The following CACNA2D4 variants were observed in gnomAD, a reference collection of about 807,000 sequenced individuals.
CACNA2D4 encodes voltage-dependent calcium channel subunit alpha-2/delta-4.
In CACNA2D4, 157 loss-of-function variants were observed where a neutral mutation model predicts 163.8. That is an observed-to-expected ratio of 0.96 (90% CI 0.84 to 1.09). The LOEUF is 1.09. Among genes scored for constraint, CACNA2D4 ranks in the 50% least tolerant of loss-of-function variants. CACNA2D4 has a pLI of 0.00. For missense variants in CACNA2D4, 1,410 were observed against 1,479.9 expected (o/e 0.95, Z 0.78); for synonymous variants, 598 against 586.9 (o/e 1.02, Z -0.27).
In CACNA2D4 at chr12:1,917,369, A is replaced by G. The variant is rs1165578270; in HGVS notation, c.227+878T>C. 6.6e-6 allele frequency among the ~76,000 whole-genome samples: 1 copy of G among 152,220 alleles called. No homozygotes were observed. The highest frequency in any genetic ancestry group is 1.5e-5 in the Non-Finnish European group (1 of 68,040). On this transcript the variant is annotated intron_variant, in intron 1 of 37. Transcript: ENST00000382722. The surrounding 1 kb of genome is among the most constrained non-coding windows in gnomAD (Gnocchi z 4.3). ...CCACTGGTCAGCAAAGGCTAAGCACAGGCACGGTGTGTCATTTAGGCTCCC... is the reference window on the plus strand; with the variant it reads ...CCACTGGTCAGCAAAGGCTAAGCACGGGCACGGTGTGTCATTTAGGCTCCC...
At chr12:1,847,614 C>A (rs1236273426) in intron 23 of CACNA2D4, among the ~76,000 whole-genome samples, 1 of 152,218 alleles carries the variant, frequency 6.6e-6, no homozygotes, top group Non-Finnish European at 1.5e-5. Flanking sequence ...CTGCCCCAGA[C>A]CTCTGAGTCA....
At chr12:1,913,963 T>C (rs1187062125) in intron 2 of CACNA2D4, among the ~76,000 whole-genome samples, 1 of 152,232 alleles carries the variant, frequency 6.6e-6, no homozygotes, top group East Asian at 1.9e-4. Flanking sequence ...CCCCGGGCTG[T>C]GGTGCTCTGA....
intron 16 of CACNA2D4, among the ~76,000 whole-genome samples, chr12:1,876,604 A>C (rs567252913): frequency 1.3e-5 from 2 of 152,070 alleles, no homozygotes; most frequent in South Asian, 4.1e-4. Context: ...TGCTTCCGCC[A>C]GTTTTTTGTT....
chr12:1,840,470 C>T (rs1356399836), intron 26 of CACNA2D4, among the ~76,000 whole-genome samples: 2 of 133,876 alleles, frequency 1.5e-5, no homozygotes, highest in East Asian at 4.3e-4. Context: ...CGGCGGGGGG[C>T]TGGGCTGCAG....
At chr12:1,879,068 C>T (rs944310770) in intron 14 of CACNA2D4, 32 bp from the exon 15 acceptor site, 1 of 1,579,958 alleles carries the variant, frequency 6.3e-7, no homozygotes, top group African/African-American at 1.3e-5. Flanking sequence ...GTGGGGGAGA[C>T]CCAGCTTCCC....
At chr12:1,803,119 C>T (rs1417587568) in intron 29 of CACNA2D4, among the ~76,000 whole-genome samples, 1 of 152,242 alleles carries the variant, frequency 6.6e-6, no homozygotes, top group Non-Finnish European at 1.5e-5. Context: ...AAGGCTGGTA[C>T]AGGAGCTGAG....
At chr12:1,835,724 CTGCATGTG>C (rs1430350252) in intron 26 of CACNA2D4, 1 of 152,658 alleles carries the variant, frequency 6.6e-6, no homozygotes, top group Non-Finnish European at 1.5e-5. Context: ...CCTGGAGCGG[CTGCATGTG>C]TGCATGGCGG....
At chr12:1,849,228 T>C (rs1446148484) in intron 23 of CACNA2D4, among the ~76,000 whole-genome samples, 1 of 152,220 alleles carries the variant, frequency 6.6e-6, no homozygotes, top group African/African-American at 2.4e-5. Flanking sequence ...TTAAGAGAAA[T>C]ACATCATGAG....
rs532516887 is a variant in CACNA2D4 at position 1,800,288 on chromosome 12, G to A, written c.2921+98C>T. ...CTTCCCCGGGGTCTGGTAGCAAGTGGGTTGTCCTGGAGACCTTGCAGCCTC... is the reference window on the plus strand; with the variant it reads ...CTTCCCCGGGGTCTGGTAGCAAGTGAGTTGTCCTGGAGACCTTGCAGCCTC... On this transcript the variant is annotated intron_variant, in intron 32 of 37. Transcript: ENST00000382722. 5.6e-5 allele frequency: 75 copies of A among 1,333,030 alleles called. No individual in the cohort carries two copies. In the African/African-American group the frequency reaches 6.9e-4, roughly 12 times the overall value. The allele number at this position is 1,333,030 out of a possible 1,614,324, so 82.6% of individuals were successfully genotyped here. A position where few individuals can be genotyped will look rare whatever the true frequency, so the allele number is the denominator to read the frequency against.
chr12:1,828,343 G>T lies in CACNA2D4; in HGVS notation c.2551+12396C>A. On this transcript the variant is annotated intron_variant, in intron 26 of 37. Transcript: ENST00000382722. This position sits in a 1 kb window ranked among gnomAD's most constrained non-coding sequence, Gnocchi z 4.2. ...GGAGGCCTACGCCAGATCTTCCTGGGGTACCCGAGGCTATGTTCTGGGAAG... is the reference window on the plus strand; with the variant it reads ...GGAGGCCTACGCCAGATCTTCCTGGTGTACCCGAGGCTATGTTCTGGGAAG... 1 of 823,270 alleles carries T rather than the reference G, an allele frequency of 1.2e-6. No homozygotes were observed. The highest frequency in any genetic ancestry group is 1.8e-6 in the Non-Finnish European group (1 of 557,498). The allele number at this position is 823,270 out of a possible 1,614,324, so 51.0% of individuals were successfully genotyped here. A position where few individuals can be genotyped will look rare whatever the true frequency, so the allele number is the denominator to read the frequency against.
rs1592643984 is a variant in CACNA2D4 at position 1,795,728 on chromosome 12, C to T, written c.3166G>A (p.Asp1056Asn). ...AAGATGCTGCAGTCACAGGTGGGGT[C>T]TGTCACCAGGAGGAGGAGGTTACTG... ...PNSNLLLLVT[D>N]PTCDCSIFPP... Residue 1056 changes from aspartate (D) to asparagine (N), a missense_variant, in exon 36 of 38, where the codon GAC becomes AAC. Transcript: ENST00000382722. 1 of 1,613,794 alleles carries T rather than the reference C, an allele frequency of 6.2e-7. No individual in the cohort carries two copies. Among genetic ancestry groups the T allele is most frequent in the Non-Finnish European group, 8.5e-7 (1 of 1,179,758 alleles).
Position 1,875,413 on chromosome 12 carries a change from T to C in CACNA2D4, c.1720-76A>G, listed in dbSNP as rs1865862855. 2 of 933,892 alleles carry C rather than the reference T, an allele frequency of 2.1e-6. No individual in the cohort carries two copies. Among genetic ancestry groups the C allele is most frequent in the South Asian group, 2.6e-5 (2 of 75,702 alleles). 57.9% of individuals were successfully genotyped at this position (933,892 alleles called of 1,614,324 possible). On this transcript the variant is annotated intron_variant, in intron 16 of 37. Transcript: ENST00000382722. This position sits in a 1 kb window ranked among gnomAD's most constrained non-coding sequence, Gnocchi z 4.0. ...TCAAGTTTATCTCTTCTACAAAGCCTTTCAGGTATATTCATAAAAGCAAAG... is the reference window on the plus strand; with the variant it reads ...TCAAGTTTATCTCTTCTACAAAGCCCTTCAGGTATATTCATAAAAGCAAAG...
At chr12:1,817,800 G>A (rs1431239145) in intron 26 of CACNA2D4, among the ~76,000 whole-genome samples, 1 of 152,114 alleles carries the variant, frequency 6.6e-6, no homozygotes, top group Non-Finnish European at 1.5e-5. Flanking sequence ...ATGGTGCCCA[G>A]GCTGGAGTGC....
chr12:1,912,784 C>T (rs1031825174), intron 3 of CACNA2D4, among the ~76,000 whole-genome samples: 2 of 152,320 alleles, frequency 1.3e-5, no homozygotes, highest in South Asian at 2.1e-4. Context: ...ATGGCCGCCT[C>T]GGGGCAGAGC....
intron 26 of CACNA2D4, among the ~76,000 whole-genome samples, chr12:1,816,906 C>T (rs966764081): frequency 6.6e-6 from 1 of 152,218 alleles, no homozygotes; most frequent in African/African-American, 2.4e-5. Flanking sequence ...GCACCATGCA[C>T]ATGCACACAT....
intron 20 of CACNA2D4, 112 bp downstream of exon 20, chr12:1,858,464 TG>T: frequency 3.4e-6 from 3 of 888,358 alleles, no homozygotes; most frequent in Non-Finnish European, 5.5e-6. Flanking sequence ...CTCTGGAGCC[TG>T]GGAGCTGGGA....
chr12:1,878,556 G>T lies in CACNA2D4; in HGVS notation c.1645-167C>A. 2 of 1,304,236 alleles carry T rather than the reference G, an allele frequency of 1.5e-6. No individual in the cohort carries two copies. Among genetic ancestry groups the T allele is most frequent in the Non-Finnish European group, 2.1e-6 (2 of 937,300 alleles). 80.8% of individuals were successfully genotyped at this position (1,304,236 alleles called of 1,614,324 possible). A position where few individuals can be genotyped will look rare whatever the true frequency, so the allele number is the denominator to read the frequency against. On this transcript the variant is annotated intron_variant, in intron 15 of 37. Transcript: ENST00000382722. The surrounding 1 kb of genome is among the most constrained non-coding windows in gnomAD (Gnocchi z 4.6). ...CAGTGCCATGCTTCCATCATTGATT[G>T]AGGAGTCCTTTCCAAACCGGACTGT...
intron 1 of CACNA2D4, chr12:1,915,345 C>T (rs1866945453): frequency 1.5e-6 from 1 of 670,622 alleles, no homozygotes; most frequent in Non-Finnish European, 2.7e-6. Context: ...GAGCCCAGGA[C>T]TGAGCTTGAC....
intron 26 of CACNA2D4, among the ~76,000 whole-genome samples, chr12:1,822,849 C>T (rs561804416): frequency 6.6e-6 from 1 of 152,252 alleles, no homozygotes; most frequent in South Asian, 2.1e-4. Flanking sequence ...GCCTCCCCTG[C>T]GTCCTGGCCA....
Sources: allele counts gnomAD v4.1 joint callset (sites outside exome capture counted in the v4.1 genomes callset), GRCh38; gene constraint gnomAD v4.1.1; non-coding constraint Gnocchi (gnomAD v3.1); transcripts MANE v1.5; gene names NCBI Gene and HGNC (gene_info 2026-07-23, HGNC 2026-07-21).